The following KCNQ3 variants were observed in gnomAD, a reference collection of about 807,000 sequenced individuals.
The protein encoded by KCNQ3 is potassium voltage-gated channel subfamily KQT member 3.
KCNQ3 carries 30 observed loss-of-function variants against 92.5 expected under a neutral mutation model. The observed-to-expected ratio is 0.32, with a 90% CI of 0.24 to 0.44. The LOEUF is 0.44. KCNQ3 is among the 20% of genes least tolerant of loss of function. The probability of loss-of-function intolerance (pLI) is 1.00; values close to 1 mark genes in which losing one functional copy is unlikely to be tolerated. For synonymous variants in KCNQ3, 450 were observed against 468.8 expected (o/e 0.96, Z 0.52); for missense variants, 913 against 1,140.3 (o/e 0.80, Z 2.87).
chr8:132,249,645 C>T (rs367796236), intron 1 of KCNQ3, among the ~76,000 whole-genome samples: 24 of 152,350 alleles, frequency 1.6e-4, no homozygotes, highest in African/African-American at 4.8e-4. Flanking sequence ...GCCAGTCCCA[C>T]GCCGTGCGCC....
chr8:132,129,877 T>G lies in KCNQ3; in HGVS notation c.2004A>C (p.Glu668Asp), dbSNP rs1824809825. 2 of 1,614,030 alleles carry G rather than the reference T, an allele frequency of 1.2e-6. No homozygotes were observed. Among genetic ancestry groups the G allele is most frequent in the African/African-American group, 2.7e-5 (2 of 74,920 alleles). The change falls in exon 15 of 15, where the codon GAA becomes GAC. Residue 668 changes from glutamate to aspartate, a missense_variant. Physicochemically the swap from Glu to Asp is conservative, Grantham distance 45 (BLOSUM62 2). Transcript: ENST00000388996. The surrounding 1 kb of genome is among the most constrained non-coding windows in gnomAD (Gnocchi z 5.9). ...YPTKGTSSPA[E>D]AEKKEDNRYS... ...ACCTGTTGTCCTCCTTCTTCTCTGC[T>G]TCAGCTGGCGAGGAGGTGCCCTTGG...
chr8:132,212,282 G>A (rs1279634564), intron 1 of KCNQ3, among the ~76,000 whole-genome samples: 1 of 151,910 alleles, frequency 6.6e-6, no homozygotes, highest in Non-Finnish European at 1.5e-5. Context: ...CTTCACCACT[G>A]GCTTCAGCAC....
At chr8:132,144,925 C>G (rs917516467) in intron 9 of KCNQ3, among the ~76,000 whole-genome samples, 2 of 152,164 alleles carry the variant, frequency 1.3e-5, no homozygotes, top group African/African-American at 2.4e-5. Context: ...TGGCACTCGG[C>G]CACTACAGGG....
rs140697222 is a variant in KCNQ3, at chr8:132,457,060, G to A, written c.386+23087C>T. Among the ~76,000 whole-genome samples, 1,285 of 151,718 alleles carry A rather than the reference G, an allele frequency of 8.5e-3. 7 individuals carry two copies. Among genetic ancestry groups the A allele is most frequent in the Middle Eastern group, 0.017 (5 of 294 alleles). On this transcript the variant is annotated intron_variant, in intron 1 of 14. Coordinates refer to ENST00000388996, the MANE Select transcript of KCNQ3 (RefSeq NM_004519.4). ...GAAGCCAGGAGCCTTAGGCAGTCAC[G>A]GCCTTTAGAACAAGAAGTTTACAGA...
At chr8:132,308,966 G>T (rs1302129377) in intron 1 of KCNQ3, among the ~76,000 whole-genome samples, 2 of 152,208 alleles carry the variant, frequency 1.3e-5, no homozygotes, top group Non-Finnish European at 2.9e-5. Flanking sequence ...GTTCCTGGTT[G>T]TGTCTGTGAG....
intron 1 of KCNQ3, among the ~76,000 whole-genome samples, chr8:132,451,296 G>A (rs1367238755): frequency 6.6e-6 from 1 of 152,212 alleles, no homozygotes; most frequent in African/African-American, 2.4e-5. Flanking sequence ...GGAACTGTGA[G>A]TCCATTAAAC....
intron 1 of KCNQ3, among the ~76,000 whole-genome samples, chr8:132,326,045 G>T (rs1586928682): frequency 6.6e-6 from 1 of 152,200 alleles, no homozygotes; most frequent in South Asian, 2.1e-4. Flanking sequence ...GCCATTGAGA[G>T]AGATATGTTG....
intron 1 of KCNQ3, among the ~76,000 whole-genome samples, chr8:132,280,550 C>A (rs766471521): frequency 1.8e-4 from 28 of 152,134 alleles, no homozygotes; most frequent in Non-Finnish European, 3.4e-4. Flanking sequence ...GCCTCCATGA[C>A]CCGAACACCT....
chr8:132,204,746 C>T (rs1247031614), intron 1 of KCNQ3, among the ~76,000 whole-genome samples: 1 of 152,198 alleles, frequency 6.6e-6, no homozygotes, highest in Non-Finnish European at 1.5e-5. Flanking sequence ...TCTCTGGAAA[C>T]TTCAGACTTT....
At chr8:132,386,560 C>A (rs542506976) in intron 1 of KCNQ3, among the ~76,000 whole-genome samples, 30 of 152,058 alleles carry the variant, frequency 2.0e-4, no homozygotes, top group Admixed American at 1.0e-3. Context: ...GGATATCATA[C>A]AAAATTAATC....
At chr8:132,434,944 T>C (rs1352214881) in intron 1 of KCNQ3, among the ~76,000 whole-genome samples, 4 of 152,238 alleles carry the variant, frequency 2.6e-5, no homozygotes. Flanking sequence ...TAAATTTTTC[T>C]GAGTCTGAAC....
chr8:132,466,441 G>A (rs1822174139), intron 1 of KCNQ3, among the ~76,000 whole-genome samples: 1 of 152,070 alleles, frequency 6.6e-6, no homozygotes, highest in South Asian at 2.1e-4. Flanking sequence ...GCCTAAATGT[G>A]GCATGTTTGT....
chr8:132,440,132 C>T (rs1409319188), intron 1 of KCNQ3, among the ~76,000 whole-genome samples: 1 of 152,110 alleles, frequency 6.6e-6, no homozygotes, highest in Non-Finnish European at 1.5e-5. Flanking sequence ...TAATTTGTGT[C>T]ATGTTTTATT....
rs775400581 is a variant in KCNQ3 at position 132,480,400 on chromosome 8, G to C, written c.133C>G (p.Leu45Val). Residue 45 changes from leucine (L) to valine (V), a missense_variant, in exon 1 of 15, where the codon CTG becomes GTG. Physicochemically the swap from Leu to Val is conservative, Grantham distance 32. This residue lies in a region of KCNQ3 where 183 missense variants were observed against 167.7 expected (regional missense o/e 1.09). Coordinates refer to ENST00000388996, the MANE Select transcript of KCNQ3 (RefSeq NM_004519.4). ...ACTTGCTCCACGTCGCCGGGCGCCA[G>C]CCCCACTTTCCGCTCCTCGTCGCCG... The part of the protein sequence containing the change: ...AAGDEERKVG[L>V]APGDVEQVTL... 4 of 1,539,020 alleles carry C rather than the reference G, an allele frequency of 2.6e-6. No individual in the cohort carries two copies. In the African/African-American group the frequency reaches 5.7e-5, roughly 22 times the overall value.
chr8:132,195,677 T>C (rs951498797), intron 1 of KCNQ3, among the ~76,000 whole-genome samples: 4 of 152,194 alleles, frequency 2.6e-5, no homozygotes, highest in Non-Finnish European at 4.4e-5. Context: ...GTTCCAACTC[T>C]TTAGAAAGGT....
chr8:132,445,697 T>C lies in KCNQ3; in HGVS notation c.386+34450A>G, dbSNP rs570464505. Among the ~76,000 whole-genome samples, 14 of 101,764 alleles carry C rather than the reference T, an allele frequency of 1.4e-4. No individual in the cohort carries two copies. The East Asian group carries it at 5.0e-3, about 37-fold the overall frequency. The allele number at this position is 101,764 out of a possible 152,430, so 66.8% of individuals were successfully genotyped here. The stretch of plus-strand genomic sequence containing the variant: ...CCCAAAAAAACACACAAAAAATCAT[T>C]ATTATTAATATCATTTACTGAGCTC... On this transcript the variant is annotated intron_variant, in intron 1 of 14. Transcript: ENST00000388996.
intron 1 of KCNQ3, among the ~76,000 whole-genome samples, chr8:132,433,832 G>T (rs191257371): frequency 4.7e-4 from 72 of 152,300 alleles, no homozygotes; most frequent in African/African-American, 1.7e-3. Context: ...GGAGGTTGCA[G>T]TGAGCCAAGG....
At chr8:132,156,725 C>A (rs779828385) in intron 9 of KCNQ3, among the ~76,000 whole-genome samples, 1 of 152,204 alleles carries the variant, frequency 6.6e-6, no homozygotes, top group Non-Finnish European at 1.5e-5. Flanking sequence ...TTGCCCCACA[C>A]AAACATGTAG....
At chr8:132,246,036 C>T (rs888611226) in intron 1 of KCNQ3, among the ~76,000 whole-genome samples, 1 of 152,102 alleles carries the variant, frequency 6.6e-6, no homozygotes, top group Non-Finnish European at 1.5e-5. Flanking sequence ...GACACAGAAA[C>T]GAGAAGGCTT....
Sources: allele counts gnomAD v4.1 joint callset (sites outside exome capture counted in the v4.1 genomes callset), GRCh38; gene constraint gnomAD v4.1.1; regional missense constraint gnomAD v4.1.1; non-coding constraint Gnocchi (gnomAD v3.1); transcripts MANE v1.5; gene names NCBI Gene and HGNC (gene_info 2026-07-23, HGNC 2026-07-21).